HTD2: variants seen among roughly 807,000 people sequenced by gnomAD.
The protein encoded by HTD2 is hydroxyacyl-thioester dehydratase type 2, mitochondrial.
In HTD2, 1 loss-of-function variant was observed where a neutral mutation model predicts 3.1. The observed-to-expected ratio is 0.32, with a 90% CI of 0.11 to 1.52. HTD2 has a LOEUF of 1.52. Ranked by LOEUF, HTD2 falls within the 40% of genes most tolerant of loss-of-function variation. The pLI is 0.39. For missense variants in HTD2, 150 were observed against 79.6 expected (o/e 1.88, Z -3.36); for synonymous variants, 50 against 28.9 (o/e 1.73, Z -2.34).
chr3:58,309,472 T>A (rs1017008942), intron 1 of HTD2, among the ~76,000 whole-genome samples: 1 of 152,246 alleles, frequency 6.6e-6, no homozygotes, highest in African/African-American at 2.4e-5. Flanking sequence ...CAAAATTATG[T>A]TGTTATGTTT....
intron 2 of HTD2, among the ~76,000 whole-genome samples, 187 bp downstream of exon 2, chr3:58,310,778 A>G (rs947498200): frequency 6.6e-6 from 1 of 152,022 alleles, no homozygotes; most frequent in African/African-American, 2.4e-5. Context: ...AAAACTGCAA[A>G]GATAAGCTGG....
chr3:58,314,341 ACT>A (rs1224499760), intron 2 of HTD2, among the ~76,000 whole-genome samples: 5 of 152,214 alleles, frequency 3.3e-5, no homozygotes, highest in African/African-American at 9.6e-5. Context: ...ACAGAGAGAG[ACT>A]CTGTCTCAAA....
At chr3:58,311,817 T>C (rs2097482564) in intron 2 of HTD2, among the ~76,000 whole-genome samples, 1 of 152,154 alleles carries the variant, frequency 6.6e-6, no homozygotes, top group African/African-American at 2.4e-5. Flanking sequence ...TCTCTTGGAT[T>C]TATGCTCAGT....
intron 1 of HTD2, 66 bp from the exon 2 acceptor site, chr3:58,310,441 C>G: frequency 6.2e-7 from 1 of 1,605,610 alleles, no homozygotes; most frequent in African/African-American, 1.3e-5. Flanking sequence ...TTTTAGATTA[C>G]TTTTCTAACA....
Position 58,318,001 on chromosome 3 carries a change from G to A in HTD2, c.388G>A (p.Val130Met). 2 of 702,876 alleles carry A rather than the reference G, an allele frequency of 2.8e-6. No homozygotes were observed. The highest frequency in any genetic ancestry group is 5.4e-5 in the East Asian group (2 of 37,290). 43.5% of individuals were successfully genotyped at this position (702,876 alleles called of 1,614,324 possible). A position where few individuals can be genotyped will look rare whatever the true frequency, so the allele number is the denominator to read the frequency against. The change falls in exon 5 of 5, where the codon GTG (valine) becomes ATG (methionine). Residue 130 changes from valine to methionine, a missense_variant. Physicochemically the swap from Val to Met is conservative, Grantham distance 21. Transcript: ENST00000461393. ...IGEVVLASAE[V>M]KKLKRFIAII... ...AGAAGTTGTTTTAGCTTCTGCAGAA[G>A]TGAAAAAGCTGAAGCGGTTCATTGC...
In HTD2 at chr3:58,318,319, G is replaced by C. The variant is rs2097490534; in HGVS notation, c.*199G>C. 2.2e-6 allele frequency: 1 copy of C among 451,710 alleles called. No homozygotes were observed. The highest frequency in any genetic ancestry group is 3.9e-5 in the Admixed American group (1 of 25,938). 28.0% of individuals were successfully genotyped at this position (451,710 alleles called of 1,614,324 possible). ...TTCATGCAGACTTGAGTGTATGCAG[G>C]ATTTCATTATCTGCCTGGGTTTTTT... On this transcript the variant is annotated 3_prime_UTR_variant, in exon 5 of 5. Transcript: ENST00000461393.
In HTD2 at chr3:58,317,559, T is replaced by C. The variant is rs890575767; in HGVS notation, c.-55T>C. The C allele has an allele frequency of 3.3e-5, 37 of 1,115,606 alleles. No homozygotes were observed. The highest frequency in any genetic ancestry group is 4.7e-5 in the Non-Finnish European group (35 of 738,964). 69.1% of individuals were successfully genotyped at this position (1,115,606 alleles called of 1,614,324 possible). A position where few individuals can be genotyped will look rare whatever the true frequency, so the allele number is the denominator to read the frequency against. On this transcript the variant is annotated 5_prime_UTR_variant, in exon 5 of 5. An upstream start codon of the reference 5' UTR is lost. Coordinates refer to ENST00000461393, the MANE Select transcript of HTD2 (RefSeq NM_001348712.2). ...TCATATTTATTTTTTGGTGCCTGCA[T>C]GTTTGAAGACTGAAGCAGGCTAAAA...
intron 2 of HTD2, among the ~76,000 whole-genome samples, chr3:58,312,361 G>A (rs888923589): frequency 9.7e-6 from 1 of 102,850 alleles, no homozygotes; most frequent in African/African-American, 4.0e-5. Flanking sequence ...CCGGATTCAA[G>A]TGATTCTCCT....
intron 4 of HTD2, 101 bp from the exon 5 acceptor site, chr3:58,317,339 C>T: frequency 2.7e-6 from 2 of 753,836 alleles, no homozygotes; most frequent in East Asian, 2.5e-5. Context: ...AATGCTCCTG[C>T]ATCAGCTTTG....
intron 2 of HTD2, among the ~76,000 whole-genome samples, chr3:58,311,636 T>TA (rs912601957): frequency 7.9e-5 from 12 of 152,200 alleles, no homozygotes; most frequent in East Asian, 1.9e-4. Flanking sequence ...TTTTTTTTTT[T>TA]ATCCATTGAT....
chr3:58,310,229 C>A, intron 1 of HTD2: 1 of 1,153,030 alleles, frequency 8.7e-7, no homozygotes, highest in Non-Finnish European at 1.3e-6. Context: ...CAAAAAAAAC[C>A]CAAATAGGCC....
rs1330815361 is a variant in HTD2 at position 58,318,277 on chromosome 3, C to T, written c.*157C>T. The stretch of plus-strand genomic sequence containing the variant: ...AGAGGGTTGTTCAAATGCCCACTTT[C>T]CAGTTTGGCCTTATGCTTCATGCAG... On this transcript the variant is annotated 3_prime_UTR_variant, in exon 5 of 5. Coordinates refer to ENST00000461393, the MANE Select transcript of HTD2 (RefSeq NM_001348712.2). The T allele has an allele frequency of 1.5e-5, 8 of 550,886 alleles. No individual in the cohort carries two copies. The East Asian group carries it at 2.1e-4, about 14-fold the overall frequency. The allele number at this position is 550,886 out of a possible 1,614,324, so 34.1% of individuals were successfully genotyped here. A position where few individuals can be genotyped will look rare whatever the true frequency, so the allele number is the denominator to read the frequency against.
Position 58,314,685 on chromosome 3 carries a change from T to TC in HTD2, c.-330-1830_-330-1829insC, listed in dbSNP as rs1384295724. Reference sequence around the variant, plus strand: ...ACATAGTTTGGCAGTATTTTTTTTTTTTTTTTTTTTTTTTTGTTGAGATGG... The same window carrying TC: ...ACATAGTTTGGCAGTATTTTTTTTTTCTTTTTTTTTTTTTTTGTTGAGATGG... On this transcript the variant is annotated intron_variant, in intron 2 of 4. Transcript: ENST00000461393. 2.2e-5 allele frequency among the ~76,000 whole-genome samples: 3 copies of TC among 138,902 alleles called. No homozygotes were observed. In the Admixed American group the frequency reaches 2.2e-4, roughly 10 times the overall value. 91.1% of individuals were successfully genotyped at this position (138,902 alleles called of 152,430 possible).
upstream of HTD2, chr3:58,306,263 C>T (rs891162796): frequency 6.6e-6 from 1 of 152,280 alleles, no homozygotes; most frequent in Non-Finnish European, 1.5e-5. Flanking sequence ...CTGGGCGTCA[C>T]GCTTCGTGGG....
rs1389955081 is a variant in HTD2, at chr3:58,318,555, C to T, written c.*435C>T. ...TGCTTGGTGACTTGGCCCTGTAGTC[C>T]CAGTTGCTTGGGAGGCTGAGGTGGG... On this transcript the variant is annotated 3_prime_UTR_variant, in exon 5 of 5. Transcript: ENST00000461393. 6.6e-6 allele frequency: 1 copy of T among 151,946 alleles called. No homozygotes were observed. The highest frequency in any genetic ancestry group is 2.5e-5 in the African/African-American group (1 of 40,764). The allele number at this position is 151,946 out of a possible 1,614,324, so 9.4% of individuals were successfully genotyped here.
chr3:58,309,198 A>T (rs1280397010), intron 1 of HTD2, among the ~76,000 whole-genome samples: 1 of 152,184 alleles, frequency 6.6e-6, no homozygotes, highest in Non-Finnish European at 1.5e-5. Context: ...CAAGAAGAGG[A>T]CCTTCAAATC....
At position 58,311,273 on chromosome 3, in the gene HTD2, G is replaced by GC. The variant is rs746667311; in HGVS notation, c.-331+688dup. ...AGATTCAAGGGATCTTCCTGCCTTA[G>GC]CCCCCCTGGTAGCTGAGATTACAGG... On this transcript the variant is annotated intron_variant, in intron 2 of 4. Transcript: ENST00000461393. 4.6e-5 allele frequency among the ~76,000 whole-genome samples: 7 copies of GC among 152,022 alleles called. No individual in the cohort carries two copies. The East Asian group carries it at 1.2e-3, about 25-fold the overall frequency.
intron 4 of HTD2, 81 bp from the exon 5 acceptor site, chr3:58,317,359 T>A (rs2097489391): frequency 1.1e-6 from 1 of 923,018 alleles, no homozygotes; most frequent in Non-Finnish European, 1.7e-6. Context: ...GTTTATCCTG[T>A]AAAACTGGGC....
At chr3:58,315,372 T>G in intron 2 of HTD2, among the ~76,000 whole-genome samples, 2 of 141,324 alleles carry the variant, frequency 1.4e-5, no homozygotes, top group South Asian at 2.2e-4. Context: ...GTTGCTGGGG[T>G]GAGGAGTAGG....
Sources: allele counts gnomAD v4.1 joint callset (sites outside exome capture counted in the v4.1 genomes callset), GRCh38; gene constraint gnomAD v4.1.1; transcripts MANE v1.5; gene names NCBI Gene and HGNC (gene_info 2026-07-23, HGNC 2026-07-21).